Variants in CAMSAP1 observed in about 807,000 individuals in gnomAD.
CAMSAP1 encodes the protein calmodulin-regulated spectrin-associated protein 1.
CAMSAP1 carries 58 observed loss-of-function variants against 143.5 expected under a neutral mutation model. That is an observed-to-expected ratio of 0.40 (90% confidence interval 0.33 to 0.50). CAMSAP1 has a LOEUF of 0.50. Among genes scored for constraint, CAMSAP1 ranks in the 20% least tolerant of loss-of-function variants. CAMSAP1 has a pLI of 0.45. For missense variants in CAMSAP1, 1,969 were observed against 2,115.7 expected, an observed-to-expected ratio of 0.93 and a Z score of 1.36; for synonymous variants, 945 against 859.3, an observed-to-expected ratio of 1.10 and a Z score of -1.74.
At chr9:135,851,358 G>A (rs1391195102) in intron 5 of CAMSAP1, among the ~76,000 whole-genome samples, 1 of 152,182 alleles carries the variant, frequency 6.6e-6, no homozygotes, top group Admixed American at 6.5e-5. Context: ...AGTCGTTCAT[G>A]AACTGCCCTC....
chr9:135,857,850 A>G (rs1285177376), intron 5 of CAMSAP1, among the ~76,000 whole-genome samples: 1 of 152,134 alleles, frequency 6.6e-6, no homozygotes, highest in Non-Finnish European at 1.5e-5. Context: ...GGTATGAAGA[A>G]TTTTACACAA....
chr9:135,850,266 T>A lies in CAMSAP1; in HGVS notation c.949-33A>T, dbSNP rs1836726728. Reference sequence around the variant, plus strand: ...ACAAAAACAAAAAACCAAAGTATGATAAGCAGTTTATTCACACATGGTTTT... The same window carrying A: ...ACAAAAACAAAAAACCAAAGTATGAAAAGCAGTTTATTCACACATGGTTTT... On this transcript the variant is annotated intron_variant, in intron 6 of 16. Transcript: ENST00000389532. 2.5e-6 allele frequency: 4 copies of A among 1,612,898 alleles called. No individual in the cohort carries two copies. The East Asian group carries it at 8.9e-5, about 36-fold the overall frequency.
At chr9:135,813,647 C>T (rs1490699991) in intron 16 of CAMSAP1, among the ~76,000 whole-genome samples, 3 of 152,216 alleles carry the variant, frequency 2.0e-5, no homozygotes, top group African/African-American at 7.2e-5. Flanking sequence ...GAAAGGCCTG[C>T]CTGCTGGGCG....
At chr9:135,892,858 A>AAAAAAAAAAAAAAAAAC (rs1838328222) in intron 1 of CAMSAP1, among the ~76,000 whole-genome samples, 1 of 147,732 alleles carries the variant, frequency 6.8e-6, no homozygotes, top group Non-Finnish European at 1.5e-5. Context: ...CAAAAAAAAA[A>AAAAAAAAAAAAAAAAAC]AAAAAAAAAG....
rs771753417 is a variant in CAMSAP1, at chr9:135,821,995, C to T, written c.2666G>A (p.Arg889His). Residue 889 changes from arginine (R) to histidine (H), a missense_variant, in exon 11 of 17, where the codon CGC (arginine) becomes CAC (histidine). By Grantham distance (29) the Arg-to-His change is conservative. Coordinates refer to ENST00000389532, the MANE Select transcript of CAMSAP1 (RefSeq NM_015447.4). This position sits in a 1 kb window ranked among gnomAD's most constrained non-coding sequence, Gnocchi z 4.6. ...VQLHMQLEEK[R>H]RAIEAQKKKM... ...CTTCTTCTGGGCCTCGATGGCCCTG[C>T]GCTTCTCCTCCAGCTGCATGTGCAG... 3.7e-6 allele frequency: 6 copies of T among 1,613,096 alleles called. No homozygotes were observed. Among genetic ancestry groups the T allele is most frequent in the Admixed American group, 1.7e-5 (1 of 60,014 alleles).
Position 135,819,053 on chromosome 9 carries a change from G to A in CAMSAP1, c.3916C>T (p.Gln1306Ter), listed in dbSNP as rs759686649. Residue 1306 changes from glutamine (Q) to a stop codon, truncating the protein, a stop_gained, in exon 12 of 17, where the codon CAG (glutamine) becomes TAG (stop). Transcript: ENST00000389532. LOFTEE classifies it high-confidence loss of function. ...RKAEEARVRK[Q>*]QLEAEVELKR... Reference sequence around the variant, plus strand: ...AGCTCCACCTCCGCTTCCAGCTGCTGCTTGCGCACGCGGGCCTCCTCGGCC... The same window carrying A: ...AGCTCCACCTCCGCTTCCAGCTGCTACTTGCGCACGCGGGCCTCCTCGGCC... The A allele has an allele frequency of 6.2e-7, 1 of 1,606,204 alleles. No individual in the cohort carries two copies. Among genetic ancestry groups the A allele is most frequent in the Non-Finnish European group, 8.5e-7 (1 of 1,178,222 alleles).
intron 11 of CAMSAP1, 140 bp from the exon 12 acceptor site, chr9:135,819,286 A>AC: frequency 8.4e-7 from 1 of 1,196,624 alleles, no homozygotes; most frequent in Non-Finnish European, 1.1e-6. Flanking sequence ...TCTAACCGTT[A>AC]CAGACTCTGA....
chr9:135,890,589 G>A (rs1000687079), intron 1 of CAMSAP1, among the ~76,000 whole-genome samples: 1 of 152,158 alleles, frequency 6.6e-6, no homozygotes, highest in African/African-American at 2.4e-5. Flanking sequence ...AACCTGAAGG[G>A]CTGCACCCAG....
intron 3 of CAMSAP1, among the ~76,000 whole-genome samples, chr9:135,881,063 C>T (rs1837930671): frequency 2.0e-5 from 3 of 152,076 alleles, no homozygotes; most frequent in Admixed American, 2.0e-4. Flanking sequence ...TATTCACTGG[C>T]CAGGTGTGGT....
intron 14 of CAMSAP1, 98 bp from the exon 15 acceptor site, chr9:135,816,103 A>G (rs977283555): frequency 1.1e-5 from 12 of 1,082,720 alleles, no homozygotes; most frequent in African/African-American, 3.1e-5. Flanking sequence ...CAGGAAGCAC[A>G]TCAGCAGGGG....
intron 1 of CAMSAP1, among the ~76,000 whole-genome samples, chr9:135,894,111 C>G (rs959844296): frequency 6.6e-6 from 1 of 152,134 alleles, no homozygotes; most frequent in African/African-American, 2.4e-5. Context: ...TTCCACCTAC[C>G]ACACCAGGCG....
chr9:135,895,813 A>C (rs1441293531), intron 1 of CAMSAP1, among the ~76,000 whole-genome samples: 1 of 152,222 alleles, frequency 6.6e-6, no homozygotes, highest in Non-Finnish European at 1.5e-5. Flanking sequence ...TAAAATAAGG[A>C]TATCAGTAAA....
intron 1 of CAMSAP1, among the ~76,000 whole-genome samples, chr9:135,893,591 T>C (rs2131012475): frequency 6.6e-6 from 1 of 152,212 alleles, no homozygotes; most frequent in South Asian, 2.1e-4. Context: ...GCCACTGACA[T>C]GTAATTGGAG....
chr9:135,885,940 G>T (rs1453247150), intron 1 of CAMSAP1, among the ~76,000 whole-genome samples: 1 of 152,160 alleles, frequency 6.6e-6, no homozygotes, highest in Non-Finnish European at 1.5e-5. Flanking sequence ...TGCTGTGGCA[G>T]TTCTGCCCTC....
chr9:135,876,100 C>T (rs534875422), intron 3 of CAMSAP1, among the ~76,000 whole-genome samples: 3 of 152,160 alleles, frequency 2.0e-5, no homozygotes, highest in Admixed American at 6.5e-5. Flanking sequence ...GGATTACAGG[C>T]GCCCGCCATC....
chr9:135,845,411 T>C (rs758035272), intron 7 of CAMSAP1, among the ~76,000 whole-genome samples: 53 of 152,164 alleles, frequency 3.5e-4, no homozygotes, highest in Non-Finnish European at 6.8e-4. Flanking sequence ...GCCAACATCA[T>C]ACTGAATGGG....
At chr9:135,890,339 C>G (rs1317589102) in intron 1 of CAMSAP1, among the ~76,000 whole-genome samples, 1 of 152,132 alleles carries the variant, frequency 6.6e-6, no homozygotes, top group East Asian at 1.9e-4. Flanking sequence ...GCGGGAGGCT[C>G]TGGCCGGCCA....
chr9:135,862,128 T>C (rs1037630055), intron 5 of CAMSAP1, among the ~76,000 whole-genome samples: 1 of 152,130 alleles, frequency 6.6e-6, no homozygotes, highest in Non-Finnish European at 1.5e-5. Context: ...CTCAGATACT[T>C]TGAAGTACCA....
Position 135,862,521 on chromosome 9 carries a change from C to A in CAMSAP1, c.754G>T (p.Ala252Ser). Residue 252 changes from alanine to serine, a missense_variant, in exon 5 of 17, where the codon GCT becomes TCT. Transcript: ENST00000389532. The stretch of plus-strand genomic sequence containing the variant: ...TAGTGAATCACAGCTAAGAGAGCAG[C>A]ACCATCACTGCCGTCTCTCATCAAA... ...EDLMRDGSDG[A>S]ALLAVIHYYC... 1 of 1,551,686 alleles carries A rather than the reference C, an allele frequency of 6.4e-7. No individual in the cohort carries two copies. Among genetic ancestry groups the A allele is most frequent in the Non-Finnish European group, 8.7e-7 (1 of 1,146,990 alleles).
Sources: allele counts gnomAD v4.1 joint callset (sites outside exome capture counted in the v4.1 genomes callset), GRCh38; gene constraint gnomAD v4.1.1; non-coding constraint Gnocchi (gnomAD v3.1); transcripts MANE v1.5; gene names NCBI Gene and HGNC (gene_info 2026-07-23, HGNC 2026-07-21).